ABCC1: variants seen among roughly 807,000 people sequenced by gnomAD.
ABCC1 encodes ATP binding cassette subfamily C member 1 (ABCC1 blood group).
Under a neutral mutation model 172.9 loss-of-function variants are expected in ABCC1, and 83 were observed. The observed-to-expected ratio is 0.48, with a 90% CI of 0.40 to 0.58. ABCC1 has a LOEUF of 0.58. Among genes scored for constraint, ABCC1 ranks in the 20% least tolerant of loss-of-function variants. The pLI, the probability that ABCC1 is intolerant of heterozygous loss-of-function variation, is 0.00. For missense variants in ABCC1, 1,817 were observed against 2,002.7 expected (o/e 0.91, Z 1.77); for synonymous variants, 937 against 825.2 (o/e 1.14, Z -2.32).
chr16:16,133,227 G>C (rs45576035), intron 27 of ABCC1, among the ~76,000 whole-genome samples: 1 of 152,102 alleles, frequency 6.6e-6, no homozygotes, highest in Non-Finnish European at 1.5e-5. Flanking sequence ...TTTGCTGGGG[G>C]ACAAGGCTGC....
At position 16,124,855 on chromosome 16, in the gene ABCC1, GAT is replaced by G. The variant is rs778077340; in HGVS notation, c.3658_3659del (p.Ile1220LeufsTer33). 1 of 1,614,190 alleles carries G rather than the reference GAT, an allele frequency of 6.2e-7. No individual in the cohort carries two copies. Among genetic ancestry groups the G allele is most frequent in the South Asian group, 1.1e-5 (1 of 91,086 alleles). ...IVLFAALFAV[I>X]SRHSLSAGLV... The stretch of plus-strand genomic sequence containing the variant: ...TTCTGTTTGCTGCCCTGTTTGCGGT[GAT>G]CTCCAGGCACAGCCTCAGTGCTGGC... On this transcript the variant is annotated frameshift_variant, in exon 25 of 31. Coordinates refer to ENST00000399410, the MANE Select transcript of ABCC1 (RefSeq NM_004996.4). LOFTEE classifies it high-confidence loss of function.
intron 1 of ABCC1, among the ~76,000 whole-genome samples, chr16:15,995,740 T>C (rs1305537212): frequency 6.6e-6 from 1 of 152,130 alleles, no homozygotes; most frequent in African/African-American, 2.4e-5. Flanking sequence ...CAGTCATAGC[T>C]CACTGCAGCC....
chr16:15,992,408 T>C (rs2151636860), intron 1 of ABCC1, among the ~76,000 whole-genome samples: 1 of 152,276 alleles, frequency 6.6e-6, no homozygotes, highest in South Asian at 2.1e-4. Context: ...TGGCTGTCTT[T>C]TTTTCTTTTG....
rs147529506 is a variant in ABCC1 at position 15,989,042 on chromosome 16, C to T, written c.49-18774C>T. On this transcript the variant is annotated intron_variant, in intron 1 of 30. Coordinates refer to ENST00000399410, the MANE Select transcript of ABCC1 (RefSeq NM_004996.4). ...TATAATCATGACATTACACTCCAGC[C>T]GAGGAGACAGAGCAAGACTCTGTCT... Among the ~76,000 whole-genome samples the T allele has an allele frequency of 1.8e-3, 243 of 131,544 alleles. 1 individual carries two copies. Among genetic ancestry groups the T allele is most frequent in the African/African-American group, 6.6e-3 (224 of 34,036 alleles). 86.3% of individuals were successfully genotyped at this position (131,544 alleles called of 152,430 possible).
At chr16:16,119,352 G>T (rs917087491) in intron 23 of ABCC1, among the ~76,000 whole-genome samples, 1 of 152,056 alleles carries the variant, frequency 6.6e-6, no homozygotes, top group African/African-American at 2.4e-5. Flanking sequence ...GAGATGGAAG[G>T]GTCACTTGAG....
At chr16:16,128,582 T>C (rs768414332) in intron 26 of ABCC1, among the ~76,000 whole-genome samples, 4 of 152,250 alleles carry the variant, frequency 2.6e-5, no homozygotes, top group African/African-American at 4.8e-5. Context: ...TGTATTTTTA[T>C]ATATAGATAG....
intron 7 of ABCC1, among the ~76,000 whole-genome samples, chr16:16,043,608 T>C (rs1411279624): frequency 6.6e-6 from 1 of 151,698 alleles, no homozygotes; most frequent in Middle Eastern, 3.2e-3. Flanking sequence ...CCTATTGTTG[T>C]TCTTTCTTTT....
chr16:16,096,228 AAAAAAAAAC>A (rs1225307900), intron 19 of ABCC1, among the ~76,000 whole-genome samples: 7 of 29,968 alleles, frequency 2.3e-4, no homozygotes, highest in Middle Eastern at 9.1e-3. Context: ...GACTGTCTCA[AAAAAAAAAC>A]AAAAAAACAA....
At chr16:16,024,335 A>G (rs1275921180) in intron 5 of ABCC1, among the ~76,000 whole-genome samples, 1 of 151,990 alleles carries the variant, frequency 6.6e-6, no homozygotes, top group Admixed American at 6.6e-5. Context: ...GTGTCACAAT[A>G]AGGACTTGGA....
In ABCC1 at chr16:16,044,466, G is replaced by A. The variant is rs2151876771; in HGVS notation, c.826G>A (p.Val276Met). 3.7e-6 allele frequency: 6 copies of A among 1,614,106 alleles called. No homozygotes were observed. The highest frequency in any genetic ancestry group is 5.1e-6 in the Non-Finnish European group (6 of 1,179,998). The change falls in exon 8 of 31, where the codon GTG becomes ATG. Residue 276 changes from valine (V) to methionine (M), a missense_variant. Val to Met is a conservative substitution (Grantham distance 21). This residue lies in a region of ABCC1 where 398 missense variants were observed against 384.2 expected (regional missense o/e 1.04). Coordinates refer to ENST00000399410, the MANE Select transcript of ABCC1 (RefSeq NM_004996.4). ...AKTRKQPVKVVYSSKDPAQPK... is the reference protein window; with the variant it reads ...AKTRKQPVKVMYSSKDPAQPK... ...GTGTTCCAGGCAGCCGGTGAAGGTT[G>A]TGTACTCCTCCAAGGATCCTGCCCA...
At chr16:16,088,124 C>CAT (rs753842464) in intron 18 of ABCC1, among the ~76,000 whole-genome samples, 5 of 126,846 alleles carry the variant, frequency 3.9e-5, no homozygotes, top group Admixed American at 8.2e-5. Flanking sequence ...TGTGTGTATG[C>CAT]GTGTGTGTGT....
chr16:16,000,040 A>G (rs1286988773), intron 1 of ABCC1, among the ~76,000 whole-genome samples: 1 of 150,642 alleles, frequency 6.6e-6, no homozygotes, highest in African/African-American at 2.4e-5. Context: ...TTTTTAGTAC[A>G]GACGGAGTTT....
chr16:16,126,408 T>C (rs1186143771), intron 26 of ABCC1, among the ~76,000 whole-genome samples: 1 of 152,180 alleles, frequency 6.6e-6, no homozygotes, highest in Non-Finnish European at 1.5e-5. Context: ...GTGTGTGTGA[T>C]GGAGTCTCAC....
At chr16:16,073,592 G>A (rs145919876) in intron 14 of ABCC1, among the ~76,000 whole-genome samples, 8 of 152,102 alleles carry the variant, frequency 5.3e-5, no homozygotes, top group Non-Finnish European at 8.8e-5. Flanking sequence ...GTGAGACCTC[G>A]TCTCTACAAA....
chr16:16,001,617 T>C (rs2047314552), intron 1 of ABCC1, among the ~76,000 whole-genome samples: 1 of 152,208 alleles, frequency 6.6e-6, no homozygotes, highest in African/African-American at 2.4e-5. Context: ...TGAATCTTCC[T>C]CTGAGCAGGA....
chr16:16,076,788 C>T (rs1300137255), intron 15 of ABCC1, among the ~76,000 whole-genome samples: 2 of 152,190 alleles, frequency 1.3e-5, no homozygotes, highest in Non-Finnish European at 2.9e-5. Flanking sequence ...CTGCTTTATC[C>T]TCACGCATCC....
Position 16,009,902 on chromosome 16 carries a change from G to C in ABCC1, c.351+1G>C. 1 of 1,596,976 alleles carries C rather than the reference G, an allele frequency of 6.3e-7. No homozygotes were observed. Among genetic ancestry groups the C allele is most frequent in the Non-Finnish European group, 8.5e-7 (1 of 1,172,204 alleles). ...CCCAACTCTCTTGGGCATCACCATG[G>C]TAAGTAGGAGCTGGCTGTGACCCCT... On this transcript the variant is annotated splice_donor_variant, in intron 3 of 30. Transcript: ENST00000399410. LOFTEE classifies it high-confidence loss of function.
At chr16:16,076,070 C>T (rs1799197586) in intron 14 of ABCC1, 5 of 506,848 alleles carry the variant, frequency 9.9e-6, no homozygotes, top group Non-Finnish European at 1.7e-5. Context: ...GATGATCGTC[C>T]AGATGGCGCA....
At chr16:16,039,709 A>C (rs914506717) in intron 7 of ABCC1, among the ~76,000 whole-genome samples, 3 of 151,988 alleles carry the variant, frequency 2.0e-5, no homozygotes, top group African/African-American at 7.3e-5. Context: ...TGCTTTTTGA[A>C]GTGTTTTTGT....
Sources: allele counts gnomAD v4.1 joint callset (sites outside exome capture counted in the v4.1 genomes callset), GRCh38; gene constraint gnomAD v4.1.1; regional missense constraint gnomAD v4.1.1; transcripts MANE v1.5; gene names NCBI Gene and HGNC (gene_info 2026-07-23, HGNC 2026-07-21).